SNX20: variants seen among roughly 807,000 people sequenced by gnomAD.
The protein encoded by SNX20 is sorting nexin-20.
SNX20 carries 21 observed loss-of-function variants against 24.5 expected under a neutral mutation model. The ratio of observed to expected loss-of-function variants is 0.86; its 90% CI spans 0.61 to 1.23. The LOEUF (loss-of-function observed/expected upper bound fraction) is 1.23. Ranked by LOEUF, SNX20 falls within the 50% of genes most tolerant of loss-of-function variation. The probability of loss-of-function intolerance (pLI) is 0.00; values close to 1 mark genes in which losing one functional copy is unlikely to be tolerated. For synonymous variants in SNX20, 206 were observed against 192.8 expected (o/e 1.07, Z -0.57); for missense variants, 433 against 430.8 (o/e 1.00, Z -0.04).
chr16:50,680,151 G>C (rs1963265481), intron 1 of SNX20, among the ~76,000 whole-genome samples: 1 of 152,204 alleles, frequency 6.6e-6, no homozygotes, highest in African/African-American at 2.4e-5. Context: ...GAAGGAAAGA[G>C]TTGTGCACTG....
At chr16:50,669,112 C>T, downstream of SNX20, 14 of 1,511,272 alleles carry the variant, frequency 9.3e-6, no homozygotes, top group Non-Finnish European at 1.3e-5. Flanking sequence ...CCACGTGACC[C>T]TGGATAAGTC....
At position 50,673,588 on chromosome 16, in the gene SNX20, G is replaced by T; in HGVS notation, c.769C>A (p.Leu257Met). Residue 257 changes from leucine to methionine, a missense_variant, in exon 4 of 4, where the codon CTG (leucine) becomes ATG (methionine). Transcript: ENST00000330943. The surrounding 1 kb of genome is among the most constrained non-coding windows in gnomAD (Gnocchi z 4.1). Reference sequence around the variant, plus strand: ...TAGCGATGGCCCTCCCGGGCCTGCAGGCGCTGCAGGGCCCTCTCTCCGGCC... The same window carrying T: ...TAGCGATGGCCCTCCCGGGCCTGCATGCGCTGCAGGGCCCTCTCTCCGGCC... ...FAAGERALQR[L>M]QAREGHRYYA... The T allele has an allele frequency of 6.3e-7, 1 of 1,589,514 alleles. No homozygotes were observed. The highest frequency in any genetic ancestry group is 8.5e-7 in the Non-Finnish European group (1 of 1,173,114).
At chr16:50,679,824 G>A (rs922948313) in intron 1 of SNX20, among the ~76,000 whole-genome samples, 18 of 152,058 alleles carry the variant, frequency 1.2e-4, no homozygotes, top group African/African-American at 4.1e-4. Flanking sequence ...GGATTCTTGG[G>A]GGCCCAGGGC....
At chr16:50,677,282 C>A in intron 2 of SNX20, 115 bp downstream of exon 2, 1 of 1,363,710 alleles carries the variant, frequency 7.3e-7, no homozygotes, top group Non-Finnish European at 9.7e-7. Flanking sequence ...TTTGGGATAA[C>A]CCAAGTTACA....
At chr16:50,668,877 C>T (rs1021732592), downstream of SNX20, 2 of 1,411,168 alleles carry the variant, frequency 1.4e-6, no homozygotes, top group Non-Finnish European at 9.2e-7. Flanking sequence ...CAAGGGGTCA[C>T]AGTCCACCCT....
chr16:50,669,035 T>C, downstream of SNX20: 1 of 1,551,878 alleles, frequency 6.4e-7, no homozygotes, highest in Non-Finnish European at 8.7e-7. Flanking sequence ...CTGTGTGTGC[T>C]GCCTCTCAGA....
chr16:50,680,414 A>G (rs1162615762), intron 1 of SNX20, among the ~76,000 whole-genome samples: 1 of 152,106 alleles, frequency 6.6e-6, no homozygotes, highest in African/African-American at 2.4e-5. Flanking sequence ...GCAGCTTCCC[A>G]GCCTCCTCTG....
chr16:50,673,272 G>A lies in SNX20; in HGVS notation c.*134C>T. 1 of 1,308,824 alleles carries A rather than the reference G, an allele frequency of 7.6e-7. No homozygotes were observed. The highest frequency in any genetic ancestry group is 9.7e-7 in the Non-Finnish European group (1 of 1,029,096). 81.1% of individuals were successfully genotyped at this position (1,308,824 alleles called of 1,614,324 possible). ...GACATAATTGAGCCACTGCACTTCA[G>A]TCTGGGTGACAGAGCAAGACTGTCT... On this transcript the variant is annotated 3_prime_UTR_variant, in exon 4 of 4. Transcript: ENST00000330943. This position sits in a 1 kb window ranked among gnomAD's most constrained non-coding sequence, Gnocchi z 4.1.
In SNX20 at chr16:50,673,468, G is replaced by A. The variant is rs757162450; in HGVS notation, c.889C>T (p.Arg297Trp). ...GTGATGCCTCGGGGCGTGGGCCTCC[G>A]GAGCTGGCTCTCCTCCAGCCTCTCC... ...LQERLEESQL[R>W]RPTPRGITLK... Residue 297 changes from arginine to tryptophan, a missense_variant, in exon 4 of 4, where the codon CGG (arginine) becomes TGG (tryptophan). Physicochemically the swap from Arg to Trp is moderately radical, Grantham distance 101 (BLOSUM62 -3). Coordinates refer to ENST00000330943, the MANE Select transcript of SNX20 (RefSeq NM_182854.4). This position sits in a 1 kb window ranked among gnomAD's most constrained non-coding sequence, Gnocchi z 4.1. The A allele has an allele frequency of 4.4e-6, 7 of 1,602,880 alleles. No homozygotes were observed. The highest frequency in any genetic ancestry group is 2.3e-5 in the East Asian group (1 of 44,008).
At chr16:50,671,080 C>T (rs1963038762), downstream of SNX20, 1 of 148,282 alleles carries the variant, frequency 6.7e-6, no homozygotes, top group African/African-American at 2.5e-5. Flanking sequence ...CCCCGCCCCA[C>T]CCCCCCAACA....
At position 50,671,751 on chromosome 16, in the gene SNX20, GA is replaced by G. The variant is rs1488158859; in HGVS notation, c.*1654del. On this transcript the variant is annotated 3_prime_UTR_variant, in exon 4 of 4. Transcript: ENST00000330943. ...CTTGAAGTGTCTTTTCCCTGGAGTA[GA>G]TTGGGAGATTTGAGGGATATCTGTC... 19 of 152,188 alleles carry G rather than the reference GA, an allele frequency of 1.2e-4. No individual in the cohort carries two copies. Among genetic ancestry groups the G allele is most frequent in the Non-Finnish European group, 2.9e-5 (2 of 68,032 alleles). The allele number at this position is 152,188 out of a possible 1,614,324, so 9.4% of individuals were successfully genotyped here.
At position 50,675,757 on chromosome 16, in the gene SNX20, A is replaced by G. The variant is rs748110648; in HGVS notation, c.282+13T>C. The G allele has an allele frequency of 3.1e-6, 5 of 1,611,462 alleles. No homozygotes were observed. The East Asian group carries it at 6.7e-5, about 22-fold the overall frequency. On this transcript the variant is annotated intron_variant, in intron 3 of 3. Transcript: ENST00000330943. ...AGTGAAAGAGGCTCCACCATTTCCC[A>G]ATCTCTGCTTACCACAAACTTAGAG...
At chr16:50,668,979 CT>C, downstream of SNX20, 1 of 1,546,388 alleles carries the variant, frequency 6.5e-7, no homozygotes, top group African/African-American at 1.4e-5. Flanking sequence ...CTAGGCCCAG[CT>C]GGATGACCCC....
In SNX20 at chr16:50,673,324, TAAA is replaced by T; in HGVS notation, c.*79_*81del. 2 of 1,379,102 alleles carry T rather than the reference TAAA, an allele frequency of 1.5e-6. No individual in the cohort carries two copies. Among genetic ancestry groups the T allele is most frequent in the Non-Finnish European group, 9.4e-7 (1 of 1,060,882 alleles). 85.4% of individuals were successfully genotyped at this position (1,379,102 alleles called of 1,614,324 possible). A position where few individuals can be genotyped will look rare whatever the true frequency, so the allele number is the denominator to read the frequency against. ...AAATAACAAAAAAGAAAAGGAAAAATAAAAAAAAAGAACCCCAAACAGCCCACT... is the reference window on the plus strand; with the variant it reads ...AAATAACAAAAAAGAAAAGGAAAAATAAAAAAGAACCCCAAACAGCCCACT... On this transcript the variant is annotated 3_prime_UTR_variant, in exon 4 of 4. Coordinates refer to ENST00000330943, the MANE Select transcript of SNX20 (RefSeq NM_182854.4). The surrounding 1 kb of genome is among the most constrained non-coding windows in gnomAD (Gnocchi z 4.1).
At position 50,675,963 on chromosome 16, in the gene SNX20, C is replaced by T. The variant is rs377136231; in HGVS notation, c.131-42G>A. 1.5e-5 allele frequency: 24 copies of T among 1,553,992 alleles called. 1 individual carries two copies. Among genetic ancestry groups the T allele is most frequent in the Admixed American group, 6.2e-5 (3 of 48,002 alleles). On this transcript the variant is annotated intron_variant, in intron 2 of 3. Transcript: ENST00000330943. ...CTTAAGGATCTGCACCCTGTCAGTGCACTTCCGAGGCATGGGCTTGGGGAG... is the reference window on the plus strand; with the variant it reads ...CTTAAGGATCTGCACCCTGTCAGTGTACTTCCGAGGCATGGGCTTGGGGAG...
chr16:50,666,407 G>A (rs1195294605), exon 4 of SNX20: 2 of 152,442 alleles, frequency 1.3e-5, no homozygotes, highest in African/African-American at 2.4e-5. Flanking sequence ...AAATGCCACC[G>A]TTAGAAGTTG....
intron 2 of SNX20, 23 bp from the exon 3 acceptor site, chr16:50,675,944 G>A: frequency 6.3e-7 from 1 of 1,579,956 alleles, no homozygotes; most frequent in Non-Finnish European, 8.6e-7. Flanking sequence ...CACCCTTAAG[G>A]ATCTGCACCC....
intron 3 of SNX20, 93 bp from the exon 4 acceptor site, chr16:50,674,167 A>T (rs984884023): frequency 4.1e-6 from 6 of 1,446,900 alleles, no homozygotes; most frequent in African/African-American, 1.5e-5. Flanking sequence ...GGCCGGTGTA[A>T]AGCATGCCCT....
downstream of SNX20, chr16:50,669,867 T>C (rs1282819979): frequency 1.3e-5 from 2 of 152,210 alleles, no homozygotes; most frequent in Non-Finnish European, 2.9e-5. Context: ...GGCCCGGCAG[T>C]GCCTGGTCAC....
Sources: allele counts gnomAD v4.1 joint callset (sites outside exome capture counted in the v4.1 genomes callset), GRCh38; gene constraint gnomAD v4.1.1; non-coding constraint Gnocchi (gnomAD v3.1); transcripts MANE v1.5; gene names NCBI Gene and HGNC (gene_info 2026-07-23, HGNC 2026-07-21).